The following COX18 variants were observed in gnomAD, a reference collection of about 807,000 sequenced individuals.
The protein encoded by COX18 is cytochrome c oxidase assembly protein COX18, mitochondrial.
COX18 carries 45 observed loss-of-function variants against 38.0 expected under a neutral mutation model. The observed-to-expected ratio is 1.18, with a 90% CI of 0.93 to 1.52. The LOEUF (loss-of-function observed/expected upper bound fraction) is 1.52. Ranked by LOEUF, COX18 falls within the 40% of genes most tolerant of loss-of-function variation. The probability of loss-of-function intolerance (pLI) is 0.00; values close to 1 mark genes in which losing one functional copy is unlikely to be tolerated. For missense variants in COX18, 462 were observed against 423.8 expected, an observed-to-expected ratio of 1.09 and a Z score of -0.79; for synonymous variants, 177 against 169.8, an observed-to-expected ratio of 1.04 and a Z score of -0.33.
In COX18 at chr4:73,061,893, A is replaced by G. The variant is rs139873049; in HGVS notation, c.751T>C (p.Ser251Pro). The G allele has an allele frequency of 1.2e-5, 19 of 1,612,372 alleles. No individual in the cohort carries two copies. Among genetic ancestry groups the G allele is most frequent in the Non-Finnish European group, 1.5e-5 (18 of 1,178,778 alleles). ...TACGTAATATACGTCTGAAAACGAG[A>G]CATTCCAATTTTTTGTAGAGCACAA... Reference protein sequence around the residue: ...EICALQKIGMSRFQTYITYFV... With the variant: ...EICALQKIGMPRFQTYITYFV... Residue 251 changes from serine to proline, a missense_variant, in exon 5 of 6, where the codon TCT becomes CCT. Coordinates refer to ENST00000507544, the MANE Select transcript of COX18 (RefSeq NM_001297732.2).
In COX18 at chr4:73,069,513, A is replaced by G. The variant is rs773352203; in HGVS notation, c.137T>C (p.Val46Ala). 2 of 1,586,698 alleles carry G rather than the reference A, an allele frequency of 1.3e-6. No homozygotes were observed. The highest frequency in any genetic ancestry group is 4.6e-5 in the East Asian group (2 of 43,650). Reference protein sequence around the residue: ...PTLPVWAVAPVSAVHANGWYE... With the variant: ...PTLPVWAVAPASAVHANGWYE... ...CCAGCCGTTCGCATGTACTGCAGAG[A>G]CTGGTGCCACTGCCCACACTGGGAG... Residue 46 changes from valine to alanine, a missense_variant, in exon 1 of 6, where the codon GTC becomes GCC. Transcript: ENST00000507544.
chr4:73,065,262 C>A lies in COX18; in HGVS notation c.586G>T (p.Ala196Ser). 1 of 1,609,778 alleles carries A rather than the reference C, an allele frequency of 6.2e-7. No individual in the cohort carries two copies. Among genetic ancestry groups the A allele is most frequent in the Non-Finnish European group, 8.5e-7 (1 of 1,178,604 alleles). Reference sequence around the variant, plus strand: ...ATACAATAATTACCTTCTGAATGTGCTGCCCCCGTGCTTAAATTCCGGAGA... The same window carrying A: ...ATACAATAATTACCTTCTGAATGTGATGCCCCCGTGCTTAAATTCCGGAGA... ...FALRNLSTGAAHSEAGFSVQE... is the reference protein window; with the variant it reads ...FALRNLSTGASHSEAGFSVQE... The change falls in exon 3 of 6, where the codon GCA becomes TCA. Residue 196 changes from alanine to serine, a missense_variant. Physicochemically the swap from Ala to Ser is moderately conservative, Grantham distance 99. Coordinates refer to ENST00000507544, the MANE Select transcript of COX18 (RefSeq NM_001297732.2).
chr4:73,062,005 C>CG, intron 4 of COX18, 85 bp from the exon 5 acceptor site: 1 of 649,314 alleles, frequency 1.5e-6, no homozygotes, highest in South Asian at 1.9e-5. Context: ...ACTGATTTTT[C>CG]ACTGGCCTCC....
chr4:73,068,247 GA>G, intron 1 of COX18, 118 bp from the exon 2 acceptor site: 1 of 639,282 alleles, frequency 1.6e-6, no homozygotes, highest in Middle Eastern at 2.9e-4. Flanking sequence ...ATCATATCAA[GA>G]AATCTTAATT....
rs756754414 is a variant in COX18 at position 73,061,852 on chromosome 4, C to T, written c.792G>A (p.Met264Ile). 1.2e-6 allele frequency: 2 copies of T among 1,613,670 alleles called. No individual in the cohort carries two copies. Among genetic ancestry groups the T allele is most frequent in the East Asian group, 2.2e-5 (1 of 44,870 alleles). ...CAGCAATTGGTATCATCAACACCGA[C>T]ATTGCACGGACAAAGTACGTAATAT... ...QTYITYFVRA[M>I]SVLMIPIAAT... Residue 264 changes from methionine (M) to isoleucine (I), a missense_variant, in exon 5 of 6, where the codon ATG (methionine) becomes ATA (isoleucine). Met to Ile is a conservative substitution (Grantham distance 10). Coordinates refer to ENST00000507544, the MANE Select transcript of COX18 (RefSeq NM_001297732.2).
At chr4:73,063,541 C>G (rs1720286632) in intron 4 of COX18, among the ~76,000 whole-genome samples, 1 of 152,200 alleles carries the variant, frequency 6.6e-6, no homozygotes, top group Non-Finnish European at 1.5e-5. Context: ...AGGCGCACGC[C>G]ACCATGCCCC....
rs750307772 is a variant in COX18, at chr4:73,069,658, C to T, written c.-9G>A. On this transcript the variant is annotated 5_prime_UTR_variant, in exon 1 of 6. Coordinates refer to ENST00000507544, the MANE Select transcript of COX18 (RefSeq NM_001297732.2). ...CCGAGCCGGCACAGCATTTCTGCAC[C>T]ACGGCGGAGCCCAGATCCCGGGCCT... The T allele has an allele frequency of 8.4e-6, 13 of 1,544,002 alleles. No individual in the cohort carries two copies. The highest frequency in any genetic ancestry group is 1.0e-5 in the Non-Finnish European group (12 of 1,150,234).
intron 2 of COX18, among the ~76,000 whole-genome samples, chr4:73,065,849 C>CTTG (rs1275507115): frequency 3.3e-5 from 5 of 152,202 alleles, no homozygotes; most frequent in Non-Finnish European, 7.3e-5. Context: ...TGTGTATGCT[C>CTTG]TTGGCCTGTC....
upstream of COX18, chr4:73,069,759 T>A (rs1314669272): frequency 1.9e-6 from 2 of 1,042,454 alleles, no homozygotes; most frequent in Non-Finnish European, 2.8e-6. Context: ...ATAAAGCGCA[T>A]GCGCGCCTGC....
At chr4:73,069,721 A>C, upstream of COX18, 3 of 1,413,536 alleles carry the variant, frequency 2.1e-6, no homozygotes, top group Non-Finnish European at 2.9e-6. Flanking sequence ...GCCAAGGCTG[A>C]TACGCGCACG....
At chr4:73,063,631 G>A (rs1032621585) in intron 4 of COX18, among the ~76,000 whole-genome samples, 6 of 152,188 alleles carry the variant, frequency 3.9e-5, no homozygotes, top group African/African-American at 9.6e-5. Context: ...CTGTAACCTT[G>A]TGCTTATCAC....
intron 5 of COX18, among the ~76,000 whole-genome samples, chr4:73,059,682 G>A (rs755242252): frequency 1.4e-4 from 21 of 152,112 alleles, no homozygotes; most frequent in Non-Finnish European, 2.1e-4. Context: ...TTATCGTCGC[G>A]CTGTTGGGAC....
At chr4:73,069,212 C>CT (rs746808181) in intron 1 of COX18, 105 bp downstream of exon 1, 2 of 836,134 alleles carry the variant, frequency 2.4e-6, no homozygotes, top group Non-Finnish European at 3.6e-6. Context: ...ACACTAAGCA[C>CT]TGCAGAAGGC....
Position 73,069,700 on chromosome 4 carries a change from TAC to T in COX18, c.-53_-52del. On this transcript the variant is annotated 5_prime_UTR_variant, in exon 1 of 6. Transcript: ENST00000507544. ...CCCGGGCCTCACAATCCAGCGGACATACACCGGCCAGCCAAGGCTGATACGCG... is the reference window on the plus strand; with the variant it reads ...CCCGGGCCTCACAATCCAGCGGACATACCGGCCAGCCAAGGCTGATACGCG... 6.6e-7 allele frequency: 1 copy of T among 1,509,482 alleles called. No individual in the cohort carries two copies. Among genetic ancestry groups the T allele is most frequent in the Non-Finnish European group, 8.9e-7 (1 of 1,123,446 alleles). The allele number at this position is 1,509,482 out of a possible 1,614,324, so 93.5% of individuals were successfully genotyped here. A position where few individuals can be genotyped will look rare whatever the true frequency, so the allele number is the denominator to read the frequency against.
chr4:73,060,958 T>C (rs1720126391), intron 5 of COX18, among the ~76,000 whole-genome samples: 1 of 152,168 alleles, frequency 6.6e-6, no homozygotes, highest in Non-Finnish European at 1.5e-5. Flanking sequence ...GAATTCGACT[T>C]TATGTGTTAG....
rs1335094442 is a variant in COX18 at position 73,069,483 on chromosome 4, T to A, written c.167A>T (p.Glu56Val). The part of the protein sequence containing the change: ...VSAVHANGWY[E>V]ALAASSPVRV... ...CACCGGCGAAGACGCGGCCAGGGCC[T>A]CGTACCAGCCGTTCGCATGTACTGC... is the stretch of plus-strand genomic sequence containing the variant. The change falls in exon 1 of 6, where the codon GAG becomes GTG. Residue 56 changes from glutamate (E) to valine (V), a missense_variant. Transcript: ENST00000507544. The A allele has an allele frequency of 1.9e-6, 3 of 1,593,310 alleles. No homozygotes were observed. In the African/African-American group the frequency reaches 4.0e-5, roughly 21 times the overall value.
rs779674855 is a variant in COX18 at position 73,061,861 on chromosome 4, G to A, written c.783C>T (p.Val261=). ...SRFQTYITYF[V]RAMSVLMIPI... is the part of the protein sequence containing the mutation. ...GTATCATCAACACCGACATTGCACGGACAAAGTACGTAATATACGTCTGAA... is the reference window on the plus strand; with the variant it reads ...GTATCATCAACACCGACATTGCACGAACAAAGTACGTAATATACGTCTGAA... The change falls in exon 5 of 6, where the codon GTC becomes GTT. Residue 261 remains valine (V), a synonymous_variant. Coordinates refer to ENST00000507544, the MANE Select transcript of COX18 (RefSeq NM_001297732.2). 6.2e-6 allele frequency: 10 copies of A among 1,613,820 alleles called. No individual in the cohort carries two copies. In the Admixed American group the frequency reaches 1.2e-4, roughly 19 times the overall value.
In COX18 at chr4:73,069,651, T is replaced by A. The variant is rs1351444363; in HGVS notation, c.-2A>T. The A allele has an allele frequency of 1.3e-6, 2 of 1,547,530 alleles. No individual in the cohort carries two copies. Among genetic ancestry groups the A allele is most frequent in the Non-Finnish European group, 1.7e-6 (2 of 1,151,992 alleles). Reference sequence around the variant, plus strand: ...CCGACCGCCGAGCCGGCACAGCATTTCTGCACCACGGCGGAGCCCAGATCC... The same window carrying A: ...CCGACCGCCGAGCCGGCACAGCATTACTGCACCACGGCGGAGCCCAGATCC... On this transcript the variant is annotated 5_prime_UTR_variant, in exon 1 of 6. Transcript: ENST00000507544.
intron 4 of COX18, among the ~76,000 whole-genome samples, chr4:73,063,692 C>T (rs1220569773): frequency 6.6e-6 from 1 of 152,192 alleles, no homozygotes; most frequent in Non-Finnish European, 1.5e-5. Context: ...GGGGACTGTG[C>T]TAGTGCTCTT....
Sources: allele counts gnomAD v4.1 joint callset (sites outside exome capture counted in the v4.1 genomes callset), GRCh38; gene constraint gnomAD v4.1.1; transcripts MANE v1.5; gene names NCBI Gene and HGNC (gene_info 2026-07-23, HGNC 2026-07-21).